Variants in ZBBX observed in about 807,000 individuals in gnomAD.
ZBBX encodes the protein zinc finger B-box domain-containing protein 1.
A neutral mutation model predicts 108.5 loss-of-function variants in ZBBX; 101 were observed. The ratio of observed to expected loss-of-function variants is 0.93; its 90% CI spans 0.79 to 1.10. ZBBX has a LOEUF of 1.10. Among genes scored for constraint, ZBBX ranks in the 50% least tolerant of loss-of-function variants. The probability of loss-of-function intolerance (pLI) is 0.00; values close to 1 mark genes in which losing one functional copy is unlikely to be tolerated. For missense variants in ZBBX, 1,009 were observed against 941.4 expected, an observed-to-expected ratio of 1.07 and a Z score of -0.94; for synonymous variants, 356 against 323.4, an observed-to-expected ratio of 1.10 and a Z score of -1.08.
At chr3:167,348,133 A>G (rs1241819012) in intron 9 of ZBBX, among the ~76,000 whole-genome samples, 2 of 150,404 alleles carry the variant, frequency 1.3e-5, no homozygotes, top group African/African-American at 2.4e-5. Context: ...TGCTGGCAGT[A>G]TCTTAAGTGT....
chr3:167,312,517 G>C (rs756502307), intron 16 of ZBBX, among the ~76,000 whole-genome samples: 2 of 152,126 alleles, frequency 1.3e-5, no homozygotes, highest in Non-Finnish European at 2.9e-5. Flanking sequence ...TAATGGGGGA[G>C]GCTATGTATG....
intron 1 of ZBBX, among the ~76,000 whole-genome samples, chr3:167,404,505 G>A (rs1577151152): frequency 1.3e-5 from 2 of 148,570 alleles, no homozygotes; most frequent in East Asian, 3.9e-4. Flanking sequence ...GGAGAGGTGG[G>A]AGGCAAACCC....
chr3:167,323,205 T>C (rs1254957434), intron 11 of ZBBX, among the ~76,000 whole-genome samples: 2 of 139,258 alleles, frequency 1.4e-5, no homozygotes, highest in Non-Finnish European at 3.1e-5. Flanking sequence ...CTTTTCATTT[T>C]GAAACAAGAT....
chr3:167,264,356 T>C (rs1471956808), intron 20 of ZBBX, among the ~76,000 whole-genome samples: 1 of 152,192 alleles, frequency 6.6e-6, no homozygotes, highest in Non-Finnish European at 1.5e-5. Context: ...ACGCTTTTTA[T>C]TTTTTTATAT....
chr3:167,208,435 G>C, the ZBBX span, among the ~76,000 whole-genome samples: 1 of 152,214 alleles, frequency 6.6e-6, no homozygotes, highest in African/African-American at 2.4e-5. Context: ...AGAGAGAGGA[G>C]AGTACAGAGG....
chr3:167,249,302 C>A (rs977976871), intron 20 of ZBBX, among the ~76,000 whole-genome samples: 1 of 152,172 alleles, frequency 6.6e-6, no homozygotes, highest in East Asian at 1.9e-4. Context: ...GCTTGCAAGG[C>A]AATCCAGACC....
At chr3:167,315,113 G>A (rs1326438613) in intron 15 of ZBBX, among the ~76,000 whole-genome samples, 1 of 152,120 alleles carries the variant, frequency 6.6e-6, no homozygotes, top group African/African-American at 2.4e-5. Context: ...AATTGGTAGA[G>A]GGGATACTTG....
intron 10 of ZBBX, among the ~76,000 whole-genome samples, chr3:167,330,203 A>T (rs1306261763): frequency 6.6e-6 from 1 of 152,220 alleles, no homozygotes; most frequent in Non-Finnish European, 1.5e-5. Context: ...TACAAAGTTA[A>T]GTGAAAAAAA....
chr3:167,220,003 T>C, the ZBBX span, among the ~76,000 whole-genome samples: 1 of 151,886 alleles, frequency 6.6e-6, no homozygotes, highest in Non-Finnish European at 1.5e-5. Flanking sequence ...CACAGAAGAA[T>C]TGGATAAATT....
At chr3:167,386,454 T>C (rs923585963) in intron 1 of ZBBX, among the ~76,000 whole-genome samples, 1 of 152,062 alleles carries the variant, frequency 6.6e-6, no homozygotes, top group Admixed American at 6.6e-5. Flanking sequence ...AGAATTCTTT[T>C]AAACAGCAGT....
chr3:167,348,753 T>C (rs1742145284), intron 9 of ZBBX, among the ~76,000 whole-genome samples: 1 of 152,052 alleles, frequency 6.6e-6, no homozygotes, highest in East Asian at 1.9e-4. Context: ...ACTATATATA[T>C]ATGAAGTGTA....
chr3:167,399,088 G>A (rs926466416), intron 1 of ZBBX, among the ~76,000 whole-genome samples: 5 of 151,662 alleles, frequency 3.3e-5, no homozygotes, highest in African/African-American at 9.7e-5. Flanking sequence ...ACCGGATGCA[G>A]ACACTGGACC....
At position 167,368,488 on chromosome 3, in the gene ZBBX, G is replaced by A. The variant is rs1272279809; in HGVS notation, c.155C>T (p.Thr52Ile). The change falls in exon 5 of 22, where the codon ACA (threonine) becomes ATA (isoleucine). Residue 52 changes from threonine (T) to isoleucine (I), a missense_variant. Physicochemically the swap from Thr to Ile is moderately conservative, Grantham distance 89 (BLOSUM62 -1). Transcript: ENST00000675490. ...MEKKLQEFRS[T>I]RNKEKEDRES... ...TCTATCTTCCTTTTCTTTGTTTCTT[G>A]TGGATCGGAATTCTTGCAGTTTCTT... The A allele has an allele frequency of 4.3e-6, 7 of 1,611,442 alleles. No homozygotes were observed. The South Asian group carries it at 6.6e-5, about 15-fold the overall frequency.
intron 18 of ZBBX, among the ~76,000 whole-genome samples, chr3:167,292,158 TTAA>T (rs1730809051): frequency 6.6e-6 from 1 of 151,992 alleles, no homozygotes; most frequent in Non-Finnish European, 1.5e-5. Flanking sequence ...AGACAGAAAA[TTAA>T]CAAGGATATC....
At chr3:167,226,150 T>C in the ZBBX span, among the ~76,000 whole-genome samples, 1 of 150,112 alleles carries the variant, frequency 6.7e-6, no homozygotes, top group Non-Finnish European at 1.5e-5. Flanking sequence ...ATAAAAATAA[T>C]AACATCGACA....
the ZBBX span, among the ~76,000 whole-genome samples, chr3:167,181,500 T>A: frequency 0.013 from 2,030 of 152,344 alleles, 22 homozygotes; most frequent in South Asian, 0.026. Context: ...GAGAAATGAT[T>A]GAAATGTTCA....
chr3:167,329,144 TAAATCCAGTCCA>T (rs1285771910), intron 10 of ZBBX, among the ~76,000 whole-genome samples: 3 of 152,148 alleles, frequency 2.0e-5, no homozygotes. Flanking sequence ...GTACAAAATA[TAAATCCAGTCCA>T]AGCACACAAG....
chr3:167,333,848 A>G lies in ZBBX; in HGVS notation c.666T>C (p.Leu222=), dbSNP rs759126384. The part of the protein sequence containing the change: ...SKIQHKPKSV[L]LQRSSSEVEI... ...TTACCTCAGAGCTGCTCCTCTGGAG[A>G]AGTACAGATTTGGGTTTATGTTGAA... The change falls in exon 10 of 22, where the codon CTT becomes CTC. Residue 222 remains leucine (L), a synonymous_variant. Transcript: ENST00000675490. The G allele has an allele frequency of 6.2e-7, 1 of 1,608,388 alleles. No individual in the cohort carries two copies. The highest frequency in any genetic ancestry group is 8.5e-7 in the Non-Finnish European group (1 of 1,178,000).
At chr3:167,353,778 A>G (rs985285170) in intron 8 of ZBBX, among the ~76,000 whole-genome samples, 5 of 152,070 alleles carry the variant, frequency 3.3e-5, no homozygotes, top group Non-Finnish European at 5.9e-5. Flanking sequence ...AGAGATAACA[A>G]AAGAACATAA....
Sources: allele counts gnomAD v4.1 joint callset (sites outside exome capture counted in the v4.1 genomes callset), GRCh38; gene constraint gnomAD v4.1.1; transcripts MANE v1.5; gene names NCBI Gene and HGNC (gene_info 2026-07-23, HGNC 2026-07-21).